CEP152: variants seen among roughly 807,000 people sequenced by gnomAD.
The protein encoded by CEP152 is centrosomal protein 152, also known as centrosomal protein of 152 kDa.
In CEP152, 132 loss-of-function variants were observed where a neutral mutation model predicts 188.9. The observed-to-expected ratio is 0.70, with a 90% CI of 0.61 to 0.81. The LOEUF is 0.81. CEP152 is among the 30% of genes least tolerant of loss of function. CEP152 has a pLI of 0.00. For missense variants in CEP152, 1,914 were observed against 1,969.8 expected (o/e 0.97, Z 0.54); for synonymous variants, 649 against 666.6 (o/e 0.97, Z 0.41).
At chr15:48,788,756 A>G (rs1219162813) in intron 9 of CEP152, 45 bp downstream of exon 9, 1 of 1,524,404 alleles carries the variant, frequency 6.6e-7, no homozygotes. Flanking sequence ...AAACATAACC[A>G]GCTTTACTTG....
At position 48,774,280 on chromosome 15, in the gene CEP152, GGA is replaced by G. The variant is rs572882856; in HGVS notation, c.1578-1591_1578-1590del. On this transcript the variant is annotated intron_variant, in intron 12 of 26. Coordinates refer to ENST00000380950, the MANE Select transcript of CEP152 (RefSeq NM_001194998.2). ...CATGTGTAACTGAACTCCCAGAAGA[GGA>G]GAGGGATGGAAAACATATTTGAAAA... Among the ~76,000 whole-genome samples the G allele has an allele frequency of 2.0e-5, 3 of 152,188 alleles. No individual in the cohort carries two copies. In the South Asian group the frequency reaches 6.2e-4, roughly 32 times the overall value.
chr15:48,746,504 A>C (rs1027570115), intron 22 of CEP152, among the ~76,000 whole-genome samples: 14 of 152,192 alleles, frequency 9.2e-5, no homozygotes, highest in African/African-American at 3.4e-4. Context: ...AAGTAATCAC[A>C]AAATGAATTG....
intron 17 of CEP152, chr15:48,765,747 G>T (rs1895034925): frequency 2.9e-6 from 1 of 341,122 alleles, no homozygotes; most frequent in Non-Finnish European, 5.5e-6. Context: ...TCCGCCTCCC[G>T]GGTTCACGCC....
At chr15:48,798,124 G>T in intron 2 of CEP152, 73 bp from the exon 3 acceptor site, 2 of 1,246,318 alleles carry the variant, frequency 1.6e-6, no homozygotes, top group Non-Finnish European at 2.3e-6. Flanking sequence ...GCCTTGGAAC[G>T]AGTGGTTTTT....
At chr15:48,777,868 G>T (rs1003338013) in intron 12 of CEP152, among the ~76,000 whole-genome samples, 1 of 152,076 alleles carries the variant, frequency 6.6e-6, no homozygotes, top group African/African-American at 2.4e-5. Flanking sequence ...AGGGAGCCAA[G>T]TCAGAGAGAG....
At chr15:48,752,575 A>C in intron 20 of CEP152, 106 bp from the exon 21 acceptor site, 2 of 1,500,578 alleles carry the variant, frequency 1.3e-6, no homozygotes, top group Non-Finnish European at 1.8e-6. Context: ...TACCTGAAAA[A>C]AATCTTGCCT....
intron 1 of CEP152, among the ~76,000 whole-genome samples, chr15:48,807,330 A>G (rs1317112602): frequency 6.6e-6 from 1 of 152,252 alleles, no homozygotes; most frequent in Non-Finnish European, 1.5e-5. Context: ...TCATGTCTCT[A>G]GATTTTTTTC....
At chr15:48,789,085 C>T (rs2140877105) in intron 8 of CEP152, 84 bp from the exon 9 acceptor site, 1 of 1,228,580 alleles carries the variant, frequency 8.1e-7, no homozygotes, top group Admixed American at 1.8e-5. Flanking sequence ...TTTACTTTTA[C>T]TATAAAATAA....
At chr15:48,762,099 T>C (rs774825454) in intron 18 of CEP152, among the ~76,000 whole-genome samples, 3 of 152,222 alleles carry the variant, frequency 2.0e-5, no homozygotes, top group Non-Finnish European at 4.4e-5. Context: ...CTGTGATTCA[T>C]TCAGATGTAA....
intron 19 of CEP152, among the ~76,000 whole-genome samples, 159 bp from the exon 20 acceptor site, chr15:48,756,712 T>C (rs543650900): frequency 6.6e-6 from 1 of 152,296 alleles, no homozygotes; most frequent in South Asian, 2.1e-4. Context: ...CTAAAAACTA[T>C]ACTTACACTA....
At chr15:48,792,252 A>T (rs1444887267) in intron 7 of CEP152, among the ~76,000 whole-genome samples, 1 of 152,176 alleles carries the variant, frequency 6.6e-6, no homozygotes, top group Non-Finnish European at 1.5e-5. Flanking sequence ...GACCTCCCAA[A>T]GTGCCGGGAT....
chr15:48,767,494 C>G, intron 15 of CEP152, 31 bp from the exon 16 acceptor site: 1 of 1,613,856 alleles, frequency 6.2e-7, no homozygotes, highest in Non-Finnish European at 8.5e-7. Flanking sequence ...AAGGCAATGC[C>G]CAGTCTCACT....
At chr15:48,790,312 C>T (rs77379665) in intron 8 of CEP152, among the ~76,000 whole-genome samples, 3,522 of 152,214 alleles carry the variant, frequency 0.023, 72 homozygotes, top group Non-Finnish European at 0.036. Flanking sequence ...AACAAGTAAA[C>T]AAATGAGATC....
chr15:48,805,629 A>T lies in CEP152; in HGVS notation c.21T>A (p.Ser7Arg). ...CTTCATTTTGCACTGGTAGTGCCAC[A>T]CTGCCAAAGTCTAATGACATGGTCC... Reference protein sequence around the residue: MSLDFGSVALPVQNEDE... With the variant: MSLDFGRVALPVQNEDE... Residue 7 changes from serine (S) to arginine (R), a missense_variant, in exon 2 of 27, where the codon AGT becomes AGA. Ser to Arg is a moderately radical substitution (Grantham distance 110). Transcript: ENST00000380950. 6.2e-7 allele frequency: 1 copy of T among 1,612,506 alleles called. No individual in the cohort carries two copies. The highest frequency in any genetic ancestry group is 1.7e-4 in the Middle Eastern group (1 of 6,056).
At chr15:48,776,555 G>C (rs1895919676) in intron 12 of CEP152, among the ~76,000 whole-genome samples, 1 of 152,034 alleles carries the variant, frequency 6.6e-6, no homozygotes, top group African/African-American at 2.4e-5. Flanking sequence ...TGACTACAAG[G>C]ATGCTTATAA....
Position 48,742,107 on chromosome 15 carries a change from G to A in CEP152, c.3836-7C>T. 3.1e-6 allele frequency: 5 copies of A among 1,613,746 alleles called. 1 individual carries two copies. Among genetic ancestry groups the A allele is most frequent in the Non-Finnish European group, 4.2e-6 (5 of 1,179,732 alleles). On this transcript the variant is annotated splice_region_variant and splice_polypyrimidine_tract_variant and intron_variant, in intron 24 of 26. Coordinates refer to ENST00000380950, the MANE Select transcript of CEP152 (RefSeq NM_001194998.2). ...ATATAACGAAGCATGTCACCTATAG[G>A]GAAGTGAGAAAATGCCCACAGAATG... is the stretch of plus-strand genomic sequence containing the variant.
At chr15:48,764,928 C>T (rs991423401) in intron 17 of CEP152, among the ~76,000 whole-genome samples, 1 of 151,896 alleles carries the variant, frequency 6.6e-6, no homozygotes, top group South Asian at 2.1e-4. Context: ...AGAGCTACCC[C>T]AGAAGTGCCC....
chr15:48,745,835 C>A (rs1358993902), intron 22 of CEP152, among the ~76,000 whole-genome samples: 1 of 152,078 alleles, frequency 6.6e-6, no homozygotes, highest in Non-Finnish European at 1.5e-5. Flanking sequence ...GAAAAATTAA[C>A]CTTTCTGAAC....
At chr15:48,781,159 G>GTT in intron 12 of CEP152, 37 bp downstream of exon 12, 1 of 1,578,136 alleles carries the variant, frequency 6.3e-7, no homozygotes, top group South Asian at 1.1e-5. Context: ...TACTAATGTT[G>GTT]GTTCTTCTAC....
Sources: gnomAD v4.1 joint callset for allele counts (sites outside exome capture counted in the v4.1 genomes callset) on GRCh38, gnomAD v4.1.1 for gene constraint, MANE v1.5 for transcripts, NCBI Gene and HGNC (gene_info 2026-07-23, HGNC 2026-07-21) for gene names.